The following DESI2 variants were observed in gnomAD, a reference collection of about 807,000 sequenced individuals.
DESI2 encodes deubiquitinase DESI2.
In DESI2, 10 loss-of-function variants were observed where a neutral mutation model predicts 24.1. The observed-to-expected ratio is 0.41, with a 90% confidence interval of 0.26 to 0.70. The LOEUF is 0.70. Among genes scored for constraint, DESI2 ranks in the 30% least tolerant of loss-of-function variants. The pLI, the probability that DESI2 is intolerant of heterozygous loss-of-function variation, is 0.29. For synonymous variants in DESI2, 71 were observed against 87.7 expected (o/e 0.81, Z 1.06); for missense variants, 122 against 234.9 (o/e 0.52, Z 3.14).
Position 244,706,067 on chromosome 1 carries a change from A to G in DESI2, c.*278A>G, listed in dbSNP as rs1215598541. The G allele has an allele frequency of 1.5e-5, 6 of 388,818 alleles. No homozygotes were observed. Among genetic ancestry groups the G allele is most frequent in the Non-Finnish European group, 2.8e-5 (6 of 211,166 alleles). 24.1% of individuals were successfully genotyped at this position (388,818 alleles called of 1,614,324 possible). On this transcript the variant is annotated 3_prime_UTR_variant, in exon 5 of 5. Coordinates refer to ENST00000302550, the MANE Select transcript of DESI2 (RefSeq NM_016076.5). Reference sequence around the variant, plus strand: ...ACAAGCTCTGTTAAGTTATGTTTACAGTATCTTGTATCGCTGTTTACAAAT... The same window carrying G: ...ACAAGCTCTGTTAAGTTATGTTTACGGTATCTTGTATCGCTGTTTACAAAT...
intron 3 of DESI2, among the ~76,000 whole-genome samples, chr1:244,690,598 G>A (rs569319993): frequency 6.6e-5 from 10 of 151,976 alleles, no homozygotes; most frequent in Admixed American, 3.9e-4. Flanking sequence ...CCAGCTACTC[G>A]GGAGGCTGAG....
At chr1:244,675,384 T>A (rs566791850) in intron 1 of DESI2, among the ~76,000 whole-genome samples, 1 of 152,224 alleles carries the variant, frequency 6.6e-6, no homozygotes, top group South Asian at 2.1e-4. Flanking sequence ...CATGAAGATA[T>A]GCTTCTCTTC....
intron 4 of DESI2, among the ~76,000 whole-genome samples, chr1:244,703,707 G>A (rs1677572843): frequency 2.0e-5 from 3 of 151,026 alleles, no homozygotes; most frequent in South Asian, 4.2e-4. Flanking sequence ...TGCCCCGGCT[G>A]GAGTGCAGTG....
intron 1 of DESI2, among the ~76,000 whole-genome samples, chr1:244,667,006 CT>C (rs1410804114): frequency 6.6e-6 from 1 of 152,142 alleles, no homozygotes; most frequent in Non-Finnish European, 1.5e-5. Context: ...TTACCTCCCC[CT>C]GGGTCCCTCC....
chr1:244,683,695 T>G (rs1349094850), intron 1 of DESI2, among the ~76,000 whole-genome samples: 2 of 151,836 alleles, frequency 1.3e-5, no homozygotes, highest in Admixed American at 6.6e-5. Context: ...CTTAGTTCCT[T>G]AAGAGCATCA....
At chr1:244,668,052 G>A (rs1284639939) in intron 1 of DESI2, among the ~76,000 whole-genome samples, 1 of 152,196 alleles carries the variant, frequency 6.6e-6, no homozygotes, top group Admixed American at 6.5e-5. Context: ...GTATACATTT[G>A]TTGTTTTAAC....
intron 1 of DESI2, among the ~76,000 whole-genome samples, chr1:244,674,218 C>T (rs1265427385): frequency 1.3e-5 from 2 of 151,918 alleles, no homozygotes; most frequent in East Asian, 3.9e-4. Context: ...AGGCTGGTCT[C>T]GAACTCCTCA....
chr1:244,676,845 T>A (rs1210414384), intron 1 of DESI2, among the ~76,000 whole-genome samples: 1 of 148,164 alleles, frequency 6.7e-6, no homozygotes, highest in Non-Finnish European at 1.5e-5. Flanking sequence ...GGGTATTGGA[T>A]TTTGTCCAGT....
At chr1:244,657,333 G>A (rs569392954) in intron 1 of DESI2, among the ~76,000 whole-genome samples, 2 of 152,172 alleles carry the variant, frequency 1.3e-5, no homozygotes. Context: ...TGGTTCCTTC[G>A]TATCTCAAAT....
chr1:244,656,949 A>G (rs1176337241), intron 1 of DESI2, among the ~76,000 whole-genome samples: 1 of 151,766 alleles, frequency 6.6e-6, no homozygotes, highest in Admixed American at 6.6e-5. Flanking sequence ...TAATTTTTGT[A>G]TTTTTGTAGA....
At chr1:244,674,859 C>T (rs1359538435) in intron 1 of DESI2, among the ~76,000 whole-genome samples, 1 of 152,166 alleles carries the variant, frequency 6.6e-6, no homozygotes. Flanking sequence ...ATTTTCATTT[C>T]TCTTGGGCAT....
At chr1:244,682,854 C>CA (rs3059851) in intron 1 of DESI2, among the ~76,000 whole-genome samples, 2,335 of 123,224 alleles carry the variant, frequency 0.019, 22 homozygotes, top group South Asian at 0.033. Context: ...AGTGTGTTGT[C>CA]AAAAAAAAAA....
intron 1 of DESI2, among the ~76,000 whole-genome samples, chr1:244,665,653 A>C (rs559613494): frequency 6.6e-6 from 1 of 152,340 alleles, no homozygotes; most frequent in South Asian, 2.1e-4. Context: ...GAGTAAAGAA[A>C]TTACCCTTCA....
chr1:244,694,294 CTTTT>C (rs1677129684), intron 4 of DESI2: 1 of 409,308 alleles, frequency 2.4e-6, no homozygotes. Context: ...TTTTTACATT[CTTTT>C]TAAGGACTGA....
intron 1 of DESI2, among the ~76,000 whole-genome samples, chr1:244,667,116 A>G (rs1160332398): frequency 1.3e-5 from 2 of 152,152 alleles, no homozygotes; most frequent in Non-Finnish European, 2.9e-5. Flanking sequence ...TCCAAATCTC[A>G]TGTCCTCACA....
At chr1:244,690,633 AG>A (rs1676991547) in intron 3 of DESI2, among the ~76,000 whole-genome samples, 1 of 150,758 alleles carries the variant, frequency 6.6e-6, no homozygotes, top group African/African-American at 2.4e-5. Flanking sequence ...TGAACCTGGG[AG>A]GCAGAGGATG....
At chr1:244,660,501 C>T (rs370669194) in intron 1 of DESI2, among the ~76,000 whole-genome samples, 15 of 152,262 alleles carry the variant, frequency 9.9e-5, no homozygotes, top group Admixed American at 2.6e-4. Flanking sequence ...TTACACTTTC[C>T]GTTTGTTGAC....
intron 1 of DESI2, among the ~76,000 whole-genome samples, chr1:244,683,567 T>C (rs1246777031): frequency 1.3e-5 from 2 of 152,178 alleles, no homozygotes; most frequent in South Asian, 2.1e-4. Context: ...CACCTCAGCC[T>C]CCCAAAGTGC....
chr1:244,653,532 C>A, intron 1 of DESI2, 177 bp downstream of exon 1: 1 of 602,100 alleles, frequency 1.7e-6, no homozygotes, highest in East Asian at 3.5e-5. Context: ...TCGCACTCGT[C>A]GACGCTCCGG....
Sources: gnomAD v4.1 joint callset for allele counts (sites outside exome capture counted in the v4.1 genomes callset) on GRCh38, gnomAD v4.1.1 for gene constraint, MANE v1.5 for transcripts, NCBI Gene and HGNC (gene_info 2026-07-23, HGNC 2026-07-21) for gene names.